Variants in SGCD observed in about 807,000 individuals in gnomAD.
SGCD encodes sarcoglycan delta.
A neutral mutation model predicts 36.6 loss-of-function variants in SGCD; 18 were observed. That is an observed-to-expected ratio of 0.49 (90% CI 0.34 to 0.73). SGCD has a LOEUF of 0.73. SGCD is among the 30% of genes least tolerant of loss of function. The probability of loss-of-function intolerance (pLI) is 0.01; values close to 1 mark genes in which losing one functional copy is unlikely to be tolerated. For missense variants in SGCD, 387 were observed against 346.7 expected, an observed-to-expected ratio of 1.12 and a Z score of -0.92; for synonymous variants, 133 against 130.6, an observed-to-expected ratio of 1.02 and a Z score of -0.12.
intron 3 of SGCD, chr5:156,393,604 G>A: frequency 2.5e-6 from 1 of 406,144 alleles, no homozygotes; most frequent in South Asian, 1.8e-5. Context: ...GTAGAGTGAA[G>A]TCATGTTAAT....
intron 3 of SGCD, among the ~76,000 whole-genome samples, chr5:156,185,855 A>T (rs1283539909): frequency 1.1e-3 from 2 of 1,868 alleles, no homozygotes; most frequent in Non-Finnish European, 4.6e-3. Context: ...ATATATAGAG[A>T]GAGAGAGAGA....
intron 3 of SGCD, among the ~76,000 whole-genome samples, chr5:156,174,633 G>A (rs1354791887): frequency 6.6e-6 from 1 of 152,176 alleles, no homozygotes; most frequent in South Asian, 2.1e-4. Context: ...TTCTATTAAT[G>A]CTTTCTTTCA....
chr5:156,081,595 T>C (rs1437946769), intron 1 of SGCD, among the ~76,000 whole-genome samples: 1 of 152,146 alleles, frequency 6.6e-6, no homozygotes, highest in Non-Finnish European at 1.5e-5. Flanking sequence ...CAAGTCTCGC[T>C]ATGTTGTCCA....
At chr5:156,281,608 C>A (rs1206675128) in intron 3 of SGCD, among the ~76,000 whole-genome samples, 2 of 152,048 alleles carry the variant, frequency 1.3e-5, no homozygotes, top group Non-Finnish European at 2.9e-5. Flanking sequence ...CCTCTCCTGC[C>A]AAGAAAAACT....
chr5:156,267,073 G>T (rs367824264), intron 3 of SGCD, among the ~76,000 whole-genome samples: 4 of 152,156 alleles, frequency 2.6e-5, no homozygotes, highest in East Asian at 3.9e-4. Context: ...GCAACCTTCA[G>T]CAAGTCATTG....
intron 1 of SGCD, among the ~76,000 whole-genome samples, chr5:156,081,947 T>G (rs1760965899): frequency 6.6e-6 from 1 of 152,064 alleles, no homozygotes; most frequent in South Asian, 2.1e-4. Flanking sequence ...ATGTGAGTAA[T>G]TTTAGAGATA....
chr5:156,188,041 G>A (rs981775134), intron 3 of SGCD, among the ~76,000 whole-genome samples: 1 of 152,142 alleles, frequency 6.6e-6, no homozygotes, highest in Non-Finnish European at 1.5e-5. Flanking sequence ...TGTCATGTTC[G>A]GGGTCATGCT....
chr5:156,283,857 CTGTT>C (rs1766523819), intron 3 of SGCD, among the ~76,000 whole-genome samples: 1 of 152,150 alleles, frequency 6.6e-6, no homozygotes, highest in Admixed American at 6.6e-5. Context: ...TGCTGAATAT[CTGTT>C]TGACGCTGAG....
intron 1 of SGCD, among the ~76,000 whole-genome samples, chr5:155,961,475 A>C (rs2113449990): frequency 6.6e-6 from 1 of 152,236 alleles, no homozygotes; most frequent in East Asian, 1.9e-4. Context: ...TATCCAGGTA[A>C]CCAGTTGCTC....
intron 6 of SGCD, among the ~76,000 whole-genome samples, chr5:156,617,262 C>T (rs769126078): frequency 6.6e-6 from 1 of 152,090 alleles, no homozygotes; most frequent in Admixed American, 6.6e-5. Context: ...CAGGGGAGAG[C>T]GTGCCCCTAA....
At chr5:155,885,918 C>G (rs992820394) in intron 1 of SGCD, among the ~76,000 whole-genome samples, 1 of 152,156 alleles carries the variant, frequency 6.6e-6, no homozygotes, top group Admixed American at 6.5e-5. Flanking sequence ...TAATGCAGTC[C>G]TAACTTTCCT....
At chr5:156,365,130 G>A (rs1770023361) in intron 3 of SGCD, among the ~76,000 whole-genome samples, 1 of 152,180 alleles carries the variant, frequency 6.6e-6, no homozygotes, top group Non-Finnish European at 1.5e-5. Context: ...TCTCTAAGAT[G>A]TACAAATGGT....
intron 3 of SGCD, among the ~76,000 whole-genome samples, chr5:156,274,938 G>GTAT (rs930826883): frequency 6.6e-6 from 1 of 152,152 alleles, no homozygotes; most frequent in African/African-American, 2.4e-5. Context: ...GGTAAGGACT[G>GTAT]TATTGAAGGA....
chr5:156,198,621 A>G (rs1018319958), intron 3 of SGCD, among the ~76,000 whole-genome samples: 2 of 152,094 alleles, frequency 1.3e-5, no homozygotes. Flanking sequence ...TGTGTGGACC[A>G]TGGTCCTCCA....
chr5:156,207,801 C>T (rs1003817908), intron 3 of SGCD, among the ~76,000 whole-genome samples: 2 of 152,020 alleles, frequency 1.3e-5, no homozygotes, highest in African/African-American at 4.8e-5. Flanking sequence ...ACATTTGTAA[C>T]TGTGCAACAA....
intron 3 of SGCD, among the ~76,000 whole-genome samples, chr5:156,263,276 T>C (rs550621923): frequency 1.3e-5 from 2 of 152,192 alleles, no homozygotes; most frequent in African/African-American, 4.8e-5. Flanking sequence ...AACTATTATG[T>C]TCTGACTATG....
At chr5:156,224,481 T>C (rs1764798593) in intron 3 of SGCD, among the ~76,000 whole-genome samples, 1 of 152,148 alleles carries the variant, frequency 6.6e-6, no homozygotes, top group Non-Finnish European at 1.5e-5. Context: ...ATCGTTATCA[T>C]CATTAATAAC....
chr5:155,841,205 G>A, the SGCD span, among the ~76,000 whole-genome samples: 2 of 152,160 alleles, frequency 1.3e-5, no homozygotes, highest in East Asian at 1.9e-4. Flanking sequence ...ATGTACAAAT[G>A]TATTTGATTA....
chr5:155,749,914 A>G, the SGCD span, among the ~76,000 whole-genome samples: 1 of 152,312 alleles, frequency 6.6e-6, no homozygotes, highest in East Asian at 1.9e-4. Flanking sequence ...CTTATTTAAG[A>G]TTCAGCTGAT....
Sources: allele counts gnomAD v4.1 joint callset (sites outside exome capture counted in the v4.1 genomes callset), GRCh38; gene constraint gnomAD v4.1.1; transcripts MANE v1.5; gene names NCBI Gene and HGNC (gene_info 2026-07-23, HGNC 2026-07-21).